Variants in KCNMA1 observed in about 807,000 individuals in gnomAD.
KCNMA1 encodes the protein Calcium-activated potassium channel subunit alpha-1.
Under a neutral mutation model 140.0 loss-of-function variants are expected in KCNMA1, and 29 were observed. The observed-to-expected ratio is 0.21, with a 90% CI of 0.15 to 0.28. The LOEUF (loss-of-function observed/expected upper bound fraction) is 0.28. KCNMA1 is among the 10% of genes least tolerant of loss of function. KCNMA1 has a pLI of 1.00. For synonymous variants in KCNMA1, 612 were observed against 611.9 expected (o/e 1.00, Z 0.00); for missense variants, 880 against 1,602.2 (o/e 0.55, Z 7.70).
intron 1 of KCNMA1, among the ~76,000 whole-genome samples, chr10:77,531,030 T>C (rs761213013): frequency 1.3e-4 from 20 of 152,100 alleles, no homozygotes; most frequent in Admixed American, 6.6e-5. Flanking sequence ...GCTCACTTAG[T>C]CTCCACCAGC....
intron 14 of KCNMA1, among the ~76,000 whole-genome samples, chr10:77,052,666 A>G (rs947568081): frequency 1.3e-5 from 2 of 151,770 alleles, no homozygotes; most frequent in Non-Finnish European, 2.9e-5. Context: ...TTTTAAAAAT[A>G]CTTGTCCAGC....
At chr10:77,505,955 A>C (rs1422397532) in intron 1 of KCNMA1, among the ~76,000 whole-genome samples, 1 of 152,198 alleles carries the variant, frequency 6.6e-6, no homozygotes, top group Non-Finnish European at 1.5e-5. Flanking sequence ...AGACAGCAGC[A>C]GTGGAGAAGA....
At chr10:77,194,652 C>A (rs561368580) in intron 3 of KCNMA1, among the ~76,000 whole-genome samples, 7 of 152,020 alleles carry the variant, frequency 4.6e-5, no homozygotes, top group African/African-American at 1.4e-4. Flanking sequence ...TTATTCTGAA[C>A]CTTAGTATTT....
intron 1 of KCNMA1, among the ~76,000 whole-genome samples, chr10:77,545,355 T>C (rs1227066670): frequency 1.3e-5 from 2 of 152,228 alleles, no homozygotes; most frequent in African/African-American, 4.8e-5. Context: ...CCCTAACACA[T>C]GAGGACTGAC....
intron 19 of KCNMA1, among the ~76,000 whole-genome samples, chr10:76,984,957 AC>A (rs1167161797): frequency 2.6e-5 from 4 of 152,220 alleles, no homozygotes; most frequent in African/African-American, 9.6e-5. Flanking sequence ...GGAGGAGAGT[AC>A]CTAGAATCCA....
intron 23 of KCNMA1, among the ~76,000 whole-genome samples, chr10:76,934,135 G>A (rs2059932063): frequency 6.6e-6 from 1 of 152,084 alleles, no homozygotes; most frequent in East Asian, 1.9e-4. Context: ...ACCACACCAG[G>A]CTTATTTTTG....
intron 1 of KCNMA1, among the ~76,000 whole-genome samples, chr10:77,429,256 T>A (rs1474023603): frequency 1.3e-5 from 2 of 152,178 alleles, no homozygotes; most frequent in Non-Finnish European, 2.9e-5. Flanking sequence ...AAGGGGGTTT[T>A]AAGTTCAGGG....
Position 76,887,197 on chromosome 10 carries a change from T to C in KCNMA1, c.*69A>G, listed in dbSNP as rs2037466690. On this transcript the variant is annotated 3_prime_UTR_variant, in exon 28 of 28. Transcript: ENST00000286628. ...ACAGGGGAAAACAGGGAAAGTTACTTTGTTGGAAACACCAACTGGGGAAAT... is the reference window on the plus strand; with the variant it reads ...ACAGGGGAAAACAGGGAAAGTTACTCTGTTGGAAACACCAACTGGGGAAAT... 9.9e-6 allele frequency: 16 copies of C among 1,613,424 alleles called. No individual in the cohort carries two copies. The highest frequency in any genetic ancestry group is 1.2e-5 in the Non-Finnish European group (14 of 1,179,982).
rs535587404 is a variant in KCNMA1 at position 77,162,489 on chromosome 10, T to C, written c.808+20932A>G. 9.8e-5 allele frequency among the ~76,000 whole-genome samples: 15 copies of C among 152,304 alleles called. No homozygotes were observed. In the South Asian group the frequency reaches 3.1e-3, roughly 32 times the overall value. On this transcript the variant is annotated intron_variant, in intron 5 of 27. Coordinates refer to ENST00000286628, the MANE Select transcript of KCNMA1 (RefSeq NM_001161352.2). ...ATTTCTATTTTGATTAATATTTTCC[T>C]GGGAAAGAAAAGATGGGGGTTTTTG...
At position 77,025,998 on chromosome 10, in the gene KCNMA1, A is replaced by AATAT. The variant is rs34726010; in HGVS notation, c.1928+1821_1928+1824dup. On this transcript the variant is annotated intron_variant, in intron 16 of 27. Coordinates refer to ENST00000286628, the MANE Select transcript of KCNMA1 (RefSeq NM_001161352.2). The stretch of plus-strand genomic sequence containing the variant: ...TTTGCCCTTTTCTGAAGAAAAAAAA[A>AATAT]ATATATATATATATATATATACTAA... Among the ~76,000 whole-genome samples, 1,151 of 139,884 alleles carry AATAT rather than the reference A, an allele frequency of 8.2e-3. 11 individuals are homozygous for AATAT. The highest frequency in any genetic ancestry group is 9.1e-3 in the Non-Finnish European group (580 of 64,044). 91.8% of individuals were successfully genotyped at this position (139,884 alleles called of 152,430 possible). A position where few individuals can be genotyped will look rare whatever the true frequency, so the allele number is the denominator to read the frequency against.
intron 2 of KCNMA1, 101 bp downstream of exon 2, chr10:77,403,761 G>T: frequency 1.6e-6 from 2 of 1,233,080 alleles, no homozygotes; most frequent in Non-Finnish European, 2.3e-6. Flanking sequence ...CCAATAGCCA[G>T]CCTCCTGCAG....
intron 1 of KCNMA1, among the ~76,000 whole-genome samples, chr10:77,417,086 G>T (rs929047787): frequency 3.9e-5 from 6 of 152,094 alleles, no homozygotes; most frequent in African/African-American, 1.4e-4. Context: ...CCACTCCTGG[G>T]ATGCTCTCCC....
At chr10:77,100,863 T>C (rs774816176) in intron 9 of KCNMA1, among the ~76,000 whole-genome samples, 1 of 152,198 alleles carries the variant, frequency 6.6e-6, no homozygotes. Context: ...TATTTTTTAA[T>C]GGAAGAAAGA....
chr10:77,000,860 ATAT>A (rs2086083016), intron 19 of KCNMA1, among the ~76,000 whole-genome samples: 24 of 74,330 alleles, frequency 3.2e-4, no homozygotes, highest in Middle Eastern at 6.8e-3. Flanking sequence ...AAAAGAAAAT[ATAT>A]ATATATATAT....
intron 15 of KCNMA1, among the ~76,000 whole-genome samples, chr10:77,037,956 A>G (rs1395469537): frequency 6.6e-6 from 1 of 152,192 alleles, no homozygotes; most frequent in Non-Finnish European, 1.5e-5. Flanking sequence ...TCTCAAAGAA[A>G]GGCACACATG....
intron 1 of KCNMA1, among the ~76,000 whole-genome samples, chr10:77,576,753 CT>C (rs1456131016): frequency 6.6e-5 from 10 of 152,186 alleles, no homozygotes; most frequent in Non-Finnish European, 2.9e-5. Context: ...CTCAGGACTG[CT>C]AGCCTTCTGC....
At chr10:77,152,800 C>T (rs577146387) in intron 5 of KCNMA1, among the ~76,000 whole-genome samples, 2 of 152,188 alleles carry the variant, frequency 1.3e-5, no homozygotes, top group South Asian at 2.1e-4. Context: ...GTCTGGGTTG[C>T]GGTGACAGGC....
chr10:77,040,780 C>T (rs886616813), intron 14 of KCNMA1, among the ~76,000 whole-genome samples: 1 of 152,288 alleles, frequency 6.6e-6, no homozygotes, highest in Admixed American at 6.5e-5. Context: ...CAAGGAATAT[C>T]ACAAAAGGTA....
chr10:77,036,751 G>A (rs926420807), intron 15 of KCNMA1, among the ~76,000 whole-genome samples: 3 of 152,022 alleles, frequency 2.0e-5, no homozygotes, highest in African/African-American at 4.8e-5. Context: ...CTCTAATTAC[G>A]GCTGTGCTTT....
Sources: gnomAD v4.1 joint callset for allele counts (sites outside exome capture counted in the v4.1 genomes callset) on GRCh38, gnomAD v4.1.1 for gene constraint, MANE v1.5 for transcripts, NCBI Gene and HGNC (gene_info 2026-07-23, HGNC 2026-07-21) for gene names.